PCDHA1: variants seen among roughly 807,000 people sequenced by gnomAD.
PCDHA1 encodes the protein protocadherin alpha-1.
Under a neutral mutation model 61.3 loss-of-function variants are expected in PCDHA1, and 42 were observed. That is an observed-to-expected ratio of 0.69 (90% CI 0.54 to 0.89). The LOEUF is 0.89. Among genes scored for constraint, PCDHA1 ranks in the 40% least tolerant of loss-of-function variants. PCDHA1 has a pLI of 0.00. For synonymous variants in PCDHA1, 610 were observed against 553.8 expected, an observed-to-expected ratio of 1.10 and a Z score of -1.43; for missense variants, 1,256 against 1,235.3, an observed-to-expected ratio of 1.02 and a Z score of -0.25.
At chr5:140,906,111 C>T (rs910809345) in intron 1 of PCDHA1, among the ~76,000 whole-genome samples, 1 of 152,100 alleles carries the variant, frequency 6.6e-6, no homozygotes, top group Admixed American at 6.5e-5. Flanking sequence ...TTTCCCAGTC[C>T]ACTGACACAA....
chr5:140,838,074 TATAGTGTGTG>T (rs1562368260), intron 1 of PCDHA1, among the ~76,000 whole-genome samples: 2 of 120,528 alleles, frequency 1.7e-5, no homozygotes, highest in African/African-American at 6.6e-5. Flanking sequence ...GTTATATATA[TATAGTGTGTG>T]TGTGTGTGTG....
At chr5:140,948,313 G>T (rs1554218515) in intron 1 of PCDHA1, among the ~76,000 whole-genome samples, 2 of 151,362 alleles carry the variant, frequency 1.3e-5, no homozygotes, top group Non-Finnish European at 3.0e-5. Flanking sequence ...TCTTCTTGAG[G>T]GGTAATGTTT....
intron 1 of PCDHA1, chr5:140,822,250 T>A: frequency 6.2e-7 from 1 of 1,614,222 alleles, no homozygotes; most frequent in Non-Finnish European, 8.5e-7. Flanking sequence ...CGCGTCGGAT[T>A]TGGATATTGG....
rs34213614 is a variant in PCDHA1 at position 140,896,536 on chromosome 5, C to CTT, written c.2395-82402_2395-82401dup. ...CACACCACAAAGCCCAGCTATTTTT[C>CTT]TTTTTTTTTTTTGTATTTTAAGTAG... On this transcript the variant is annotated intron_variant, in intron 1 of 3. Coordinates refer to ENST00000504120, the MANE Select transcript of PCDHA1 (RefSeq NM_018900.4). 2.9e-3 allele frequency among the ~76,000 whole-genome samples: 427 copies of CTT among 145,644 alleles called. 4 individuals are homozygous for CTT. Among genetic ancestry groups the CTT allele is most frequent in the African/African-American group, 7.7e-3 (305 of 39,602 alleles).
At chr5:140,837,490 C>A (rs1775075680) in intron 1 of PCDHA1, among the ~76,000 whole-genome samples, 1 of 146,602 alleles carries the variant, frequency 6.8e-6, no homozygotes, top group East Asian at 2.0e-4. Context: ...ATTTACTTTA[C>A]CTTTCTGAAT....
intron 1 of PCDHA1, among the ~76,000 whole-genome samples, chr5:140,922,883 T>A (rs963654982): frequency 2.6e-5 from 4 of 152,134 alleles, no homozygotes; most frequent in Admixed American, 2.0e-4. Flanking sequence ...TCCAAAGACA[T>A]CATTCAAGAA....
At chr5:140,802,526 G>A in intron 1 of PCDHA1, 3 of 1,614,188 alleles carry the variant, frequency 1.9e-6, no homozygotes, top group Non-Finnish European at 2.5e-6. Flanking sequence ...GCGTGTCCGT[G>A]GAGGTGGCCG....
chr5:140,879,578 A>G (rs1298190690), intron 1 of PCDHA1, among the ~76,000 whole-genome samples: 4 of 152,244 alleles, frequency 2.6e-5, no homozygotes, highest in African/African-American at 9.6e-5. Context: ...AATTGCCAAG[A>G]CAGACATTGA....
chr5:140,877,375 C>T (rs782650940), intron 1 of PCDHA1: 4 of 1,614,006 alleles, frequency 2.5e-6, no homozygotes, highest in South Asian at 1.1e-5. Flanking sequence ...CAGCACGACA[C>T]GCATCCTGGA....
intron 1 of PCDHA1, among the ~76,000 whole-genome samples, chr5:140,839,382 TGA>T (rs1562376295): frequency 0.03 from 2 of 66 alleles, no homozygotes; most frequent in South Asian, 0.071. Flanking sequence ...TCAATTATTA[TGA>T]TGATGATGAT....
chr5:140,834,325 C>A, intron 1 of PCDHA1: 3 of 1,449,214 alleles, frequency 2.1e-6, no homozygotes, highest in Non-Finnish European at 2.8e-6. Context: ...GGGATAAAAA[C>A]ATTCCTATAA....
At chr5:140,790,426 T>C (rs1761584519) in intron 1 of PCDHA1, among the ~76,000 whole-genome samples, 1 of 152,244 alleles carries the variant, frequency 6.6e-6, no homozygotes, top group African/African-American at 2.4e-5. Flanking sequence ...TTAATATAAT[T>C]TGCTAGTTAA....
chr5:140,852,375 T>A lies in PCDHA1; in HGVS notation c.2394+63691T>A, dbSNP rs2042313801. ...TCACTGCAACGTCTGCCTCCTGGGTTCAAGCAATTCTCCTGCCTCAGCCTC... is the reference window on the plus strand; with the variant it reads ...TCACTGCAACGTCTGCCTCCTGGGTACAAGCAATTCTCCTGCCTCAGCCTC... On this transcript the variant is annotated intron_variant, in intron 1 of 3. Transcript: ENST00000504120. 1.0e-5 allele frequency: 2 copies of A among 192,516 alleles called. 1 individual carries two copies. The highest frequency in any genetic ancestry group is 1.3e-4 in the Admixed American group (2 of 14,898). The allele number at this position is 192,516 out of a possible 1,614,324, so 11.9% of individuals were successfully genotyped here. A position where few individuals can be genotyped will look rare whatever the true frequency, so the allele number is the denominator to read the frequency against.
chr5:140,918,445 A>G (rs2078702084), intron 1 of PCDHA1, among the ~76,000 whole-genome samples: 1 of 152,144 alleles, frequency 6.6e-6, no homozygotes, highest in African/African-American at 2.4e-5. Context: ...GAGTGGTGAC[A>G]GTGGGCATCC....
intron 1 of PCDHA1, chr5:140,843,336 G>A (rs2150357721): frequency 6.3e-7 from 1 of 1,596,074 alleles, no homozygotes; most frequent in South Asian, 1.1e-5. Context: ...CTGGTGGAGA[G>A]CGGCCAGGCT....
rs2150182340 is a variant in PCDHA1, at chr5:140,830,165, G to A, written c.2394+41481G>A. 43 of 1,613,446 alleles carry A rather than the reference G, an allele frequency of 2.7e-5. 1 individual carries two copies. The South Asian group carries it at 4.5e-4, about 17-fold the overall frequency. ...GGTGGGCGCCGCGGGCCCAGAGGCG[G>A]CGCTGGTGGATGTCAACGTGTACCT... On this transcript the variant is annotated intron_variant, in intron 1 of 3. Transcript: ENST00000504120.
intron 1 of PCDHA1, chr5:140,795,318 T>A (rs782318515): frequency 1.2e-6 from 2 of 1,614,062 alleles, no homozygotes; most frequent in Non-Finnish European, 1.7e-6. Context: ...AGGTTTTCCA[T>A]GTGGAAGTGG....
intron 1 of PCDHA1, among the ~76,000 whole-genome samples, chr5:140,945,058 C>A (rs939271004): frequency 1.3e-5 from 2 of 151,996 alleles, no homozygotes; most frequent in Non-Finnish European, 2.9e-5. Flanking sequence ...AAAGAAAACC[C>A]TACAGACTCC....
At position 140,794,238 on chromosome 5, in the gene PCDHA1, C is replaced by A. The variant is rs373596927; in HGVS notation, c.2394+5554C>A. Among the ~76,000 whole-genome samples, 19 of 152,064 alleles carry A rather than the reference C, an allele frequency of 1.2e-4. No individual in the cohort carries two copies. In the South Asian group the frequency reaches 3.3e-3, roughly 27 times the overall value. Reference sequence around the variant, plus strand: ...TACAATATGGATGAACCTTGAGGAACCATCCACGGATGCTTGAATGAATAA... The same window carrying A: ...TACAATATGGATGAACCTTGAGGAAACATCCACGGATGCTTGAATGAATAA... On this transcript the variant is annotated intron_variant, in intron 1 of 3. Coordinates refer to ENST00000504120, the MANE Select transcript of PCDHA1 (RefSeq NM_018900.4).
Sources: allele counts gnomAD v4.1 joint callset (sites outside exome capture counted in the v4.1 genomes callset), GRCh38; gene constraint gnomAD v4.1.1; transcripts MANE v1.5; gene names NCBI Gene and HGNC (gene_info 2026-07-23, HGNC 2026-07-21).